The following MEIS1 variants were observed in gnomAD, a reference collection of about 807,000 sequenced individuals.
MEIS1 encodes homeobox protein Meis1.
MEIS1 carries 5 observed loss-of-function variants against 50.8 expected under a neutral mutation model. That is an observed-to-expected ratio of 0.10 (90% confidence interval 0.05 to 0.21). The LOEUF is 0.21. MEIS1 is among the 10% of genes least tolerant of loss of function. MEIS1 has a pLI of 1.00. For synonymous variants in MEIS1, 176 were observed against 179.3 expected, an observed-to-expected ratio of 0.98 and a Z score of 0.15; for missense variants, 318 against 517.3, an observed-to-expected ratio of 0.61 and a Z score of 3.74.
At chr2:66,495,787 T>A (rs1673388128) in intron 7 of MEIS1, among the ~76,000 whole-genome samples, 1 of 151,956 alleles carries the variant, frequency 6.6e-6, no homozygotes, top group Admixed American at 6.5e-5. Flanking sequence ...GTGATGAGGG[T>A]TTGGAGCACC....
At chr2:66,542,358 C>A (rs1361307084) in intron 8 of MEIS1, among the ~76,000 whole-genome samples, 2 of 151,794 alleles carry the variant, frequency 1.3e-5, no homozygotes, top group African/African-American at 4.8e-5. Context: ...TATATTAATG[C>A]ATTAAACTTA....
chr2:66,566,801 C>T (rs1404038109), intron 9 of MEIS1, among the ~76,000 whole-genome samples: 3 of 81,782 alleles, frequency 3.7e-5, no homozygotes, highest in African/African-American at 1.1e-4. Context: ...TCAGACTTTA[C>T]ATAAAGAGCA....
chr2:66,554,317 A>G (rs1175962908), intron 9 of MEIS1, among the ~76,000 whole-genome samples: 1 of 152,202 alleles, frequency 6.6e-6, no homozygotes, highest in East Asian at 1.9e-4. Context: ...TCTTGTTTTC[A>G]GTGTGTCTGT....
At chr2:66,518,988 C>T (rs1177491458) in intron 8 of MEIS1, among the ~76,000 whole-genome samples, 1 of 152,186 alleles carries the variant, frequency 6.6e-6, no homozygotes, top group African/African-American at 2.4e-5. Context: ...CACATCATAT[C>T]TGTCTCTCAT....
At chr2:66,476,010 G>A (rs981962696) in intron 7 of MEIS1, among the ~76,000 whole-genome samples, 6 of 152,110 alleles carry the variant, frequency 3.9e-5, no homozygotes, top group Non-Finnish European at 8.8e-5. Flanking sequence ...CCATTCTCTG[G>A]TGGGTTCGCC....
intron 8 of MEIS1, among the ~76,000 whole-genome samples, chr2:66,524,907 T>G (rs1048524684): frequency 6.6e-6 from 1 of 152,170 alleles, no homozygotes; most frequent in South Asian, 2.1e-4. Context: ...CTTTTGCTTC[T>G]TTAAAAACAG....
chr2:66,568,594 C>G lies in MEIS1; in HGVS notation c.1025-73C>G, dbSNP rs902874903. 4.4e-6 allele frequency: 5 copies of G among 1,129,300 alleles called. No individual in the cohort carries two copies. In the African/African-American group the frequency reaches 7.6e-5, roughly 17 times the overall value. 70.0% of individuals were successfully genotyped at this position (1,129,300 alleles called of 1,614,324 possible). A position where few individuals can be genotyped will look rare whatever the true frequency, so the allele number is the denominator to read the frequency against. On this transcript the variant is annotated intron_variant, in intron 10 of 12. Coordinates refer to ENST00000272369, the MANE Select transcript of MEIS1 (RefSeq NM_002398.3). ...GTCTCTTTCTCTGGTATGTTCTCCT[C>G]TTAGTCTCTCTTGGGCTATTTCTTT...
intron 8 of MEIS1, among the ~76,000 whole-genome samples, chr2:66,525,931 A>G (rs541894873): frequency 6.6e-6 from 1 of 152,364 alleles, no homozygotes; most frequent in East Asian, 1.9e-4. Context: ...TGTCAGTAAG[A>G]AAGTAACAGA....
chr2:66,520,831 A>G (rs1376497183), intron 8 of MEIS1, among the ~76,000 whole-genome samples: 1 of 152,226 alleles, frequency 6.6e-6, no homozygotes, highest in Non-Finnish European at 1.5e-5. Context: ...TCTCAAGATC[A>G]AAAGCGAGGA....
At chr2:66,567,773 A>G (rs1469947054) in intron 10 of MEIS1, 2 of 591,160 alleles carry the variant, frequency 3.4e-6, no homozygotes, top group Admixed American at 3.2e-5. Flanking sequence ...CTTTGTACAC[A>G]TTCAATATAT....
At chr2:66,450,621 T>G (rs1672257110) in intron 6 of MEIS1, among the ~76,000 whole-genome samples, 1 of 152,190 alleles carries the variant, frequency 6.6e-6, no homozygotes, top group African/African-American at 2.4e-5. Context: ...TACAAAGTCT[T>G]ACATTTTACA....
rs1238336727 is a variant in MEIS1 at position 66,437,617 on chromosome 2, C to T, written c.13-120C>T. Reference sequence around the variant, plus strand: ...AAACTCAGCTTTATAGATGCAAGGCCACCGAATTCCGGGTGGAAGGACCCA... The same window carrying T: ...AAACTCAGCTTTATAGATGCAAGGCTACCGAATTCCGGGTGGAAGGACCCA... On this transcript the variant is annotated intron_variant, in intron 1 of 12. Coordinates refer to ENST00000272369, the MANE Select transcript of MEIS1 (RefSeq NM_002398.3). 6.1e-6 allele frequency: 5 copies of T among 814,274 alleles called. No individual in the cohort carries two copies. The Admixed American group carries it at 8.2e-5, about 13-fold the overall frequency. 50.4% of individuals were successfully genotyped at this position (814,274 alleles called of 1,614,324 possible).
intron 8 of MEIS1, among the ~76,000 whole-genome samples, chr2:66,513,343 ATTAAAG>A (rs756283541): frequency 5.9e-5 from 9 of 152,108 alleles, no homozygotes; most frequent in Admixed American, 1.3e-4. Context: ...TTCCTTAAAT[ATTAAAG>A]TTAATCTTGC....
chr2:66,568,810 C>A, intron 11 of MEIS1, 54 bp downstream of exon 11: 3 of 1,450,836 alleles, frequency 2.1e-6, no homozygotes, highest in Non-Finnish European at 2.9e-6. Flanking sequence ...GAGTGTCATC[C>A]CCTCATCAAC....
chr2:66,535,524 A>G (rs182112537), intron 8 of MEIS1, among the ~76,000 whole-genome samples: 238 of 152,340 alleles, frequency 1.6e-3, no homozygotes, highest in Non-Finnish European at 2.9e-3. Context: ...CCCTGCAGAA[A>G]TAAGTCCACA....
chr2:66,449,257 A>G (rs1406375847), intron 6 of MEIS1, among the ~76,000 whole-genome samples: 1 of 152,092 alleles, frequency 6.6e-6, no homozygotes, highest in Non-Finnish European at 1.5e-5. Flanking sequence ...AGAATGTAAT[A>G]CCTGTATAAA....
intron 3 of MEIS1, 41 bp downstream of exon 3, chr2:66,440,025 A>G: frequency 6.4e-7 from 1 of 1,557,848 alleles, no homozygotes; most frequent in South Asian, 1.2e-5. Context: ...AAACAAAAAG[A>G]GAGCCCCCCC....
chr2:66,572,621 A>T lies in MEIS1; in HGVS notation c.*1413A>T, dbSNP rs1386381954. The T allele has an allele frequency of 6.6e-6, 1 of 152,216 alleles. No individual in the cohort carries two copies. Among genetic ancestry groups the T allele is most frequent in the Non-Finnish European group, 1.5e-5 (1 of 68,048 alleles). 9.4% of individuals were successfully genotyped at this position (152,216 alleles called of 1,614,324 possible). A position where few individuals can be genotyped will look rare whatever the true frequency, so the allele number is the denominator to read the frequency against. On this transcript the variant is annotated 3_prime_UTR_variant, in exon 13 of 13. Coordinates refer to ENST00000272369, the MANE Select transcript of MEIS1 (RefSeq NM_002398.3). ...CAAGAAACCAAGGAGCTAATTATTA[A>T]TAACAATCATTGCACACTGAGTCTT...
At chr2:66,558,279 C>CAAAAAAAAAAAAAAAAAAAAAAAAAAAAA (rs59017279) in intron 9 of MEIS1, among the ~76,000 whole-genome samples, 14 of 57,090 alleles carry the variant, frequency 2.5e-4, no homozygotes, top group East Asian at 5.7e-4. Flanking sequence ...AACTCCATCT[C>CAAAAAAAAAAAAAAAAAAAAAAAAAAAAA]AAAAAAAAAA....
Sources: gnomAD v4.1 joint callset for allele counts (sites outside exome capture counted in the v4.1 genomes callset) on GRCh38, gnomAD v4.1.1 for gene constraint, MANE v1.5 for transcripts, NCBI Gene and HGNC (gene_info 2026-07-23, HGNC 2026-07-21) for gene names.